The following MIS18A variants were observed in gnomAD, a reference collection of about 807,000 sequenced individuals.
MIS18A encodes the protein MIS18 kinetochore protein A.
Under a neutral mutation model 25.0 loss-of-function variants are expected in MIS18A, and 14 were observed. The observed-to-expected ratio is 0.56, with a 90% CI of 0.37 to 0.88. The LOEUF (loss-of-function observed/expected upper bound fraction) is 0.88. Among genes scored for constraint, MIS18A ranks in the 40% least tolerant of loss-of-function variants. The pLI is 0.00. For missense variants in MIS18A, 292 were observed against 290.8 expected, an observed-to-expected ratio of 1.00 and a Z score of -0.03; for synonymous variants, 134 against 118.6, an observed-to-expected ratio of 1.13 and a Z score of -0.84.
At chr21:32,273,113 TTC>T (rs1262220974) in intron 2 of MIS18A, among the ~76,000 whole-genome samples, 6 of 151,022 alleles carry the variant, frequency 4.0e-5, no homozygotes, top group Non-Finnish European at 8.8e-5. Context: ...GAAACTTTTT[TTC>T]TTTTTTTTTT....
rs776477840 is a variant in MIS18A, at chr21:32,278,810, G to C, written c.205C>G (p.Leu69Val). The change falls in exon 1 of 5, where the codon CTG becomes GTG. Residue 69 changes from leucine to valine, a missense_variant. By Grantham distance (32) the Leu-to-Val change is conservative. Transcript: ENST00000290130. ...TCCGCAGCCGCCGCCTCCTCCTCCA[G>C]CTGCGCCCTCTCCATGTCGGCCACC... ...ASVADMERAQ[L>V]EEEAAAAEER... is the part of the protein sequence containing the mutation. 28 of 1,594,548 alleles carry C rather than the reference G, an allele frequency of 1.8e-5. No individual in the cohort carries two copies. The East Asian group carries it at 4.3e-4, about 24-fold the overall frequency.
the MIS18A span, among the ~76,000 whole-genome samples, chr21:32,222,018 C>T: frequency 6.6e-6 from 1 of 151,872 alleles, no homozygotes; most frequent in Non-Finnish European, 1.5e-5. Flanking sequence ...AGAGTCAAGA[C>T]CCATTGGTGT....
At chr21:32,273,972 G>T (rs1432865676) in intron 2 of MIS18A, among the ~76,000 whole-genome samples, 2 of 152,090 alleles carry the variant, frequency 1.3e-5, no homozygotes, top group East Asian at 3.9e-4. Context: ...GGTATGGCAA[G>T]ATATTTGTCC....
In MIS18A at chr21:32,278,907, G is replaced by A. The variant is rs375098799; in HGVS notation, c.108C>T (p.Ser36=). 10 of 1,613,602 alleles carry A rather than the reference G, an allele frequency of 6.2e-6. No homozygotes were observed. In the African/African-American group the frequency reaches 1.2e-4, roughly 19 times the overall value. The change falls in exon 1 of 5, where the codon TCC becomes TCT. Residue 36 remains serine, a synonymous_variant. Transcript: ENST00000290130. ...ACAGCTGGTGGCGGCTCGAGTCTTCGGAGAGTCTCTTGCCCAACAGCGAGG... is the reference window on the plus strand; with the variant it reads ...ACAGCTGGTGGCGGCTCGAGTCTTCAGAGAGTCTCTTGCCCAACAGCGAGG... The part of the protein sequence containing the change: ...SDSSLLGKRL[S]EDSSRHQLLQ...
the MIS18A span, among the ~76,000 whole-genome samples, chr21:32,216,833 G>T: frequency 2.0e-5 from 3 of 152,182 alleles, no homozygotes; most frequent in Admixed American, 6.5e-5. Context: ...AGACTTATTG[G>T]TTCCACGTAC....
chr21:32,195,064 A>T, the MIS18A span, among the ~76,000 whole-genome samples: 1 of 152,234 alleles, frequency 6.6e-6, no homozygotes, highest in Non-Finnish European at 1.5e-5. Flanking sequence ...AAAATAAAAT[A>T]AAATAATAAA....
In MIS18A at chr21:32,270,453, C is replaced by G; in HGVS notation, c.478G>C (p.Asp160His). The G allele has an allele frequency of 1.2e-6, 2 of 1,613,588 alleles. No homozygotes were observed. The highest frequency in any genetic ancestry group is 1.7e-6 in the Non-Finnish European group (2 of 1,179,816). Residue 160 changes from aspartate (D) to histidine (H), a missense_variant, in exon 3 of 5, where the codon GAT (aspartate) becomes CAT (histidine). Physicochemically the swap from Asp to His is moderately conservative, Grantham distance 81. Coordinates refer to ENST00000290130, the MANE Select transcript of MIS18A (RefSeq NM_018944.3). ...AGGCAAAACAAGTCTCTCTTGTAAT[C>G]AAGATTCTTGGGCGTGCATCTGTAC... ...YVYRCTPKNL[D>H]YKRDLFCLSV...
the MIS18A span, among the ~76,000 whole-genome samples, chr21:32,170,204 C>T: frequency 6.6e-6 from 1 of 152,088 alleles, no homozygotes; most frequent in Non-Finnish European, 1.5e-5. Flanking sequence ...AAAAAGACAC[C>T]TACACTCATA....
At chr21:32,207,644 C>T in the MIS18A span, among the ~76,000 whole-genome samples, 3 of 152,048 alleles carry the variant, frequency 2.0e-5, no homozygotes, top group Non-Finnish European at 4.4e-5. Context: ...AATGGGGAAA[C>T]AGATTGGTTT....
the MIS18A span, among the ~76,000 whole-genome samples, chr21:32,181,381 C>G: frequency 6.6e-6 from 1 of 152,138 alleles, no homozygotes; most frequent in South Asian, 2.1e-4. Context: ...TAATAAATCT[C>G]TTTGTAGATA....
the MIS18A span, among the ~76,000 whole-genome samples, chr21:32,186,796 C>A: frequency 6.6e-6 from 1 of 152,126 alleles, no homozygotes; most frequent in Non-Finnish European, 1.5e-5. Context: ...GGTAGAAATA[C>A]CTCTTTGATT....
the MIS18A span, among the ~76,000 whole-genome samples, chr21:32,252,328 GA>G: frequency 6.8e-6 from 1 of 146,372 alleles, no homozygotes; most frequent in East Asian, 2.0e-4. Flanking sequence ...AAGAAGGAAG[GA>G]AGGAAAGAAT....
At chr21:32,211,015 C>T in the MIS18A span, among the ~76,000 whole-genome samples, 1 of 152,182 alleles carries the variant, frequency 6.6e-6, no homozygotes, top group Non-Finnish European at 1.5e-5. Context: ...AGTCACCAGT[C>T]CACAAAAGCC....
the MIS18A span, among the ~76,000 whole-genome samples, chr21:32,251,499 A>G: frequency 1.3e-5 from 2 of 152,088 alleles, no homozygotes; most frequent in Admixed American, 6.5e-5. Flanking sequence ...ACTATCATGT[A>G]TCCCTCCCCC....
the MIS18A span, among the ~76,000 whole-genome samples, chr21:32,223,578 G>A: frequency 0.015 from 2,262 of 152,194 alleles, 55 homozygotes; most frequent in African/African-American, 0.052. Flanking sequence ...GACTAAACCA[G>A]GAAGAAGTCG....
chr21:32,206,670 G>A, the MIS18A span, among the ~76,000 whole-genome samples: 1 of 152,156 alleles, frequency 6.6e-6, no homozygotes, highest in African/African-American at 2.4e-5. Flanking sequence ...ATGGGCAGAA[G>A]GATGAGAGAG....
the MIS18A span, among the ~76,000 whole-genome samples, chr21:32,239,596 C>T: frequency 1.4e-4 from 22 of 152,288 alleles, no homozygotes; most frequent in African/African-American, 4.6e-4. Flanking sequence ...AAGGTGCCAT[C>T]GCAACCAGGT....
chr21:32,236,635 G>A, the MIS18A span, among the ~76,000 whole-genome samples: 2 of 152,090 alleles, frequency 1.3e-5, no homozygotes, highest in East Asian at 1.9e-4. Context: ...GTTCATCATT[G>A]CATCTGGACT....
At chr21:32,230,163 AG>A in the MIS18A span, among the ~76,000 whole-genome samples, 3 of 152,222 alleles carry the variant, frequency 2.0e-5, no homozygotes, top group Non-Finnish European at 4.4e-5. Flanking sequence ...CTTTTAAATA[AG>A]AACTGAATTA....
Sources: allele counts gnomAD v4.1 joint callset (sites outside exome capture counted in the v4.1 genomes callset), GRCh38; gene constraint gnomAD v4.1.1; transcripts MANE v1.5; gene names NCBI Gene and HGNC (gene_info 2026-07-23, HGNC 2026-07-21).